LPA: variants seen among roughly 807,000 people sequenced by gnomAD.
The protein encoded by LPA is lipoprotein(a).
In LPA, 199 loss-of-function variants were observed where a neutral mutation model predicts 197.9. That is an observed-to-expected ratio of 1.01 (90% CI 0.90 to 1.13). The LOEUF (loss-of-function observed/expected upper bound fraction) is 1.13. LPA is among the 50% of genes most tolerant of loss of function. The probability of loss-of-function intolerance (pLI) is 0.00; values close to 1 mark genes in which losing one functional copy is unlikely to be tolerated. For synonymous variants in LPA, 715 were observed against 639.5 expected, an observed-to-expected ratio of 1.12 and a Z score of -1.78; for missense variants, 1,853 against 1,785.8, an observed-to-expected ratio of 1.04 and a Z score of -0.68.
At chr6:160,609,744 T>A (rs561152988) in intron 16 of LPA, among the ~76,000 whole-genome samples, 1 of 152,002 alleles carries the variant, frequency 6.6e-6, no homozygotes, top group African/African-American at 2.4e-5. Context: ...TATTTCCCTA[T>A]TTCTTTAGGG....
chr6:160,662,046 C>T (rs1164836597), intron 1 of LPA, among the ~76,000 whole-genome samples: 1 of 152,164 alleles, frequency 6.6e-6, no homozygotes, highest in Non-Finnish European at 1.5e-5. Flanking sequence ...AGATCCCCTC[C>T]CCAGCTCATG....
chr6:160,581,042 A>T (rs1778785319), intron 26 of LPA, among the ~76,000 whole-genome samples: 1 of 151,720 alleles, frequency 6.6e-6, no homozygotes, highest in Non-Finnish European at 1.5e-5. Context: ...TCAGCCTCAG[A>T]ATTAGCTGTT....
At chr6:160,564,479 C>G (rs1009105925) in intron 28 of LPA, among the ~76,000 whole-genome samples, 2 of 152,104 alleles carry the variant, frequency 1.3e-5, no homozygotes, top group African/African-American at 4.8e-5. Context: ...TTTTCTTGCT[C>G]CTCAGCCTGC....
chr6:160,594,101 G>C lies in LPA; in HGVS notation c.3486C>G (p.Ser1162Arg), dbSNP rs1779085116. Residue 1162 changes from serine to arginine, a missense_variant, in exon 22 of 39, where the codon AGC becomes AGG. Ser to Arg is a moderately radical substitution (Grantham distance 110). Coordinates refer to ENST00000316300, the MANE Select transcript of LPA (RefSeq NM_005577.4). ...CATGGTAGCAATCCTGGACCCCGGG[G>C]CTTTGCTCCGTTGGTGCTGAAATTC... ...ASSEEAPTEQ[S>R]PGVQDCYHGD... is the part of the protein sequence containing the mutation. The C allele has an allele frequency of 6.2e-7, 1 of 1,613,776 alleles. No individual in the cohort carries two copies. The highest frequency in any genetic ancestry group is 1.1e-5 in the South Asian group (1 of 91,082).
At chr6:160,551,768 C>A (rs534232913) in intron 30 of LPA, among the ~76,000 whole-genome samples, 10 of 152,120 alleles carry the variant, frequency 6.6e-5, no homozygotes, top group Non-Finnish European at 1.3e-4. Context: ...CCAAATGGTT[C>A]AGAATGATTT....
chr6:160,591,032 G>A lies in LPA; in HGVS notation c.3699C>T (p.Pro1233=). ...GGTTGCAGTACTCCCATCTGACATT[G>A]GGATCCATGGTATAACACCAAGGAC... ...EISPWCYTMD[P]NVRWEYCNLT... The change falls in exon 23 of 39, where the codon CCC becomes CCT. Residue 1233 remains proline (P), a synonymous_variant. Coordinates refer to ENST00000316300, the MANE Select transcript of LPA (RefSeq NM_005577.4). The A allele has an allele frequency of 6.2e-7, 1 of 1,613,922 alleles. No individual in the cohort carries two copies. Among genetic ancestry groups the A allele is most frequent in the Non-Finnish European group, 8.5e-7 (1 of 1,179,910 alleles).
At chr6:160,609,978 G>C (rs1779453747) in intron 16 of LPA, among the ~76,000 whole-genome samples, 1 of 151,938 alleles carries the variant, frequency 6.6e-6, no homozygotes, top group Admixed American at 6.6e-5. Context: ...TCTTTAATTT[G>C]ATTTGGCTAT....
chr6:160,591,057 C>G lies in LPA; in HGVS notation c.3674G>C (p.Ser1225Thr). 6.2e-7 allele frequency: 1 copy of G among 1,613,892 alleles called. No individual in the cohort carries two copies. Among genetic ancestry groups the G allele is most frequent in the Non-Finnish European group, 8.5e-7 (1 of 1,179,904 alleles). ...NYCRNPDAEISPWCYTMDPNV... is the reference protein window; with the variant it reads ...NYCRNPDAEITPWCYTMDPNV... ...GGGATCCATGGTATAACACCAAGGA[C>G]TAATCTCAGCATCTGGATTCCTGCA... Residue 1225 changes from serine (S) to threonine (T), a missense_variant, in exon 23 of 39, where the codon AGT becomes ACT. By Grantham distance (58) the Ser-to-Thr change is moderately conservative. Transcript: ENST00000316300.
At chr6:160,563,479 A>G (rs1583580882) in intron 28 of LPA, among the ~76,000 whole-genome samples, 2 of 152,178 alleles carry the variant, frequency 1.3e-5, no homozygotes, top group South Asian at 4.1e-4. Flanking sequence ...GAAGTGTTTT[A>G]CTTCCAATTA....
At chr6:160,556,953 T>C (rs901744540) in intron 29 of LPA, among the ~76,000 whole-genome samples, 7 of 152,106 alleles carry the variant, frequency 4.6e-5, no homozygotes, top group African/African-American at 7.2e-5. Context: ...CAGGATTAGA[T>C]GGAATAAATA....
At chr6:160,581,004 C>A (rs1042053048) in intron 26 of LPA, among the ~76,000 whole-genome samples, 1 of 151,374 alleles carries the variant, frequency 6.6e-6, no homozygotes, top group Non-Finnish European at 1.5e-5. Flanking sequence ...TTATAAGATA[C>A]TATACTTTTT....
chr6:160,648,082 T>C (rs1779934719), intron 2 of LPA, among the ~76,000 whole-genome samples: 1 of 152,240 alleles, frequency 6.6e-6, no homozygotes, highest in Admixed American at 6.5e-5. Flanking sequence ...ATGGATGAAC[T>C]TCAAGGCATT....
At chr6:160,539,632 G>C (rs1777948657) in intron 36 of LPA, among the ~76,000 whole-genome samples, 1 of 152,074 alleles carries the variant, frequency 6.6e-6, no homozygotes, top group Admixed American at 6.6e-5. Context: ...GCAGTGATTA[G>C]AGGCGCCCAC....
intron 18 of LPA, among the ~76,000 whole-genome samples, chr6:160,602,994 GTTTTTTT>G (rs10548212): frequency 8.2e-6 from 1 of 121,402 alleles, no homozygotes; most frequent in Non-Finnish European, 1.7e-5. Context: ...GAATCATACA[GTTTTTTT>G]TTTTTTTTTT....
At chr6:160,597,629 T>G (rs1779159208) in intron 20 of LPA, among the ~76,000 whole-genome samples, 1 of 152,254 alleles carries the variant, frequency 6.6e-6, no homozygotes, top group African/African-American at 2.4e-5. Context: ...GTCCTTTAAT[T>G]TGATTTGACT....
intron 28 of LPA, among the ~76,000 whole-genome samples, chr6:160,566,088 C>A (rs1778449525): frequency 6.6e-6 from 1 of 152,160 alleles, no homozygotes; most frequent in South Asian, 2.1e-4. Flanking sequence ...GAGAATGGAA[C>A]CAAGTTGGAA....
chr6:160,603,497 G>C (rs1212940187), intron 18 of LPA, among the ~76,000 whole-genome samples: 4 of 151,890 alleles, frequency 2.6e-5, no homozygotes, highest in Non-Finnish European at 5.9e-5. Flanking sequence ...TCTTGATATG[G>C]TATCTGCTTC....
At chr6:160,611,155 T>C (rs1779501954) in intron 16 of LPA, among the ~76,000 whole-genome samples, 1 of 152,082 alleles carries the variant, frequency 6.6e-6, no homozygotes, top group Non-Finnish European at 1.5e-5. Flanking sequence ...AGTAAGCACA[T>C]AAACTTTCCT....
At chr6:160,600,859 T>A (rs1170948204) in intron 19 of LPA, 58 bp downstream of exon 19, 6 of 1,568,910 alleles carry the variant, frequency 3.8e-6, no homozygotes, top group Non-Finnish European at 4.4e-6. Context: ...TCAGTGGGGG[T>A]ATCCATGGCT....
Sources: gnomAD v4.1 joint callset for allele counts (sites outside exome capture counted in the v4.1 genomes callset) on GRCh38, gnomAD v4.1.1 for gene constraint, MANE v1.5 for transcripts, NCBI Gene and HGNC (gene_info 2026-07-23, HGNC 2026-07-21) for gene names.